DAAM1: variants seen among roughly 807,000 people sequenced by gnomAD.
DAAM1 encodes the protein dishevelled associated activator of morphogenesis 1.
In DAAM1, 52 loss-of-function variants were observed where a neutral mutation model predicts 130.0. That is an observed-to-expected ratio of 0.40 (90% CI 0.32 to 0.50). The LOEUF is 0.50. Among genes scored for constraint, DAAM1 ranks in the 20% least tolerant of loss-of-function variants. The pLI, the probability that DAAM1 is intolerant of heterozygous loss-of-function variation, is 0.61. For missense variants in DAAM1, 1,134 were observed against 1,303.8 expected, an observed-to-expected ratio of 0.87 and a Z score of 2.01; for synonymous variants, 452 against 444.5, an observed-to-expected ratio of 1.02 and a Z score of -0.21.
At chr14:59,290,341 C>T (rs1883689688) in intron 2 of DAAM1, among the ~76,000 whole-genome samples, 1 of 152,120 alleles carries the variant, frequency 6.6e-6, no homozygotes, top group Non-Finnish European at 1.5e-5. Flanking sequence ...CATCTGGACT[C>T]TGGAGTTCAA....
At chr14:59,289,767 G>GATAGATAGATATATATATATATAT (rs375183979) in intron 2 of DAAM1, among the ~76,000 whole-genome samples, 1 of 110,220 alleles carries the variant, frequency 9.1e-6, no homozygotes, top group Non-Finnish European at 1.9e-5. Context: ...AACAAAATGT[G>GATAGATAGATATATATATATATAT]ATATATATAT....
At chr14:59,359,327 A>G (rs1886612451) in intron 20 of DAAM1, 70 bp from the exon 21 acceptor site, 2 of 1,121,980 alleles carry the variant, frequency 1.8e-6, no homozygotes, top group Non-Finnish European at 2.6e-6. Context: ...GATATTAACT[A>G]TTCATATATT....
intron 1 of DAAM1, among the ~76,000 whole-genome samples, chr14:59,243,874 T>A (rs540475211): frequency 6.6e-6 from 1 of 152,326 alleles, no homozygotes; most frequent in East Asian, 1.9e-4. Flanking sequence ...TTCCAAACAT[T>A]AGCATCCCAG....
chr14:59,235,637 C>T (rs111607558), intron 1 of DAAM1, among the ~76,000 whole-genome samples: 8,790 of 152,082 alleles, frequency 0.058, 859 homozygotes, highest in African/African-American at 0.2. Flanking sequence ...GTCTCTGTCT[C>T]CTTCAGTTTT....
chr14:59,336,034 T>C (rs1885615603), intron 15 of DAAM1, among the ~76,000 whole-genome samples: 1 of 151,950 alleles, frequency 6.6e-6, no homozygotes, highest in Non-Finnish European at 1.5e-5. Context: ...TTTTTTTTTT[T>C]TCTTAAGACC....
intron 17 of DAAM1, among the ~76,000 whole-genome samples, 173 bp from the exon 18 acceptor site, chr14:59,352,353 A>T (rs1886321808): frequency 6.6e-6 from 1 of 152,264 alleles, no homozygotes; most frequent in Non-Finnish European, 1.5e-5. Context: ...ACTACTTCCA[A>T]GTAAAAATGA....
chr14:59,225,740 T>A (rs1888922003), intron 1 of DAAM1, among the ~76,000 whole-genome samples: 2 of 152,198 alleles, frequency 1.3e-5, no homozygotes, highest in Non-Finnish European at 2.9e-5. Flanking sequence ...GTACAGATTC[T>A]GGGCAAGGTT....
At chr14:59,278,530 A>C (rs1420292968) in intron 2 of DAAM1, among the ~76,000 whole-genome samples, 4 of 152,210 alleles carry the variant, frequency 2.6e-5, no homozygotes, top group African/African-American at 9.7e-5. Flanking sequence ...GGCTAGAGGT[A>C]ACTGAAATGG....
At chr14:59,339,824 G>A (rs576879913) in intron 15 of DAAM1, among the ~76,000 whole-genome samples, 1 of 152,306 alleles carries the variant, frequency 6.6e-6, no homozygotes, top group Non-Finnish European at 1.5e-5. Flanking sequence ...CAACTTAGAA[G>A]CACTTTGTTC....
At chr14:59,332,780 C>G (rs1048954237) in intron 15 of DAAM1, among the ~76,000 whole-genome samples, 2 of 152,088 alleles carry the variant, frequency 1.3e-5, no homozygotes, top group Non-Finnish European at 2.9e-5. Flanking sequence ...AACTTGAGTC[C>G]AGTAGTGTGA....
At position 59,226,350 on chromosome 14, in the gene DAAM1, GCA is replaced by G. The variant is rs1378327884; in HGVS notation, c.-37-37090_-37-37089del. 2.6e-5 allele frequency among the ~76,000 whole-genome samples: 4 copies of G among 152,200 alleles called. No homozygotes were observed. In the East Asian group the frequency reaches 7.7e-4, roughly 29 times the overall value. ...TATATCAGAATTATTTTGGTTGCAA[GCA>G]AGAGAAACTAAATTTAAGACAAACA... is the stretch of plus-strand genomic sequence containing the variant. On this transcript the variant is annotated intron_variant, in intron 1 of 24. Coordinates refer to ENST00000360909, the MANE Select transcript of DAAM1 (RefSeq NM_001270520.2).
At chr14:59,353,006 GA>G (rs1191234344) in intron 18 of DAAM1, among the ~76,000 whole-genome samples, 50 of 141,240 alleles carry the variant, frequency 3.5e-4, no homozygotes, top group African/African-American at 1.2e-3. Context: ...AAAAAAAAAA[GA>G]AAAAAAAATA....
Position 59,260,404 on chromosome 14 carries a change from G to A in DAAM1, c.-37-3037G>A, listed in dbSNP as rs920263123. 3.3e-5 allele frequency among the ~76,000 whole-genome samples: 5 copies of A among 152,260 alleles called. No homozygotes were observed. In the East Asian group the frequency reaches 5.8e-4, roughly 18 times the overall value. ...TTTGTCACAGAACTAACTGCTGCCT[G>A]TATTTTGTTATATTTATTTTGTCCT... On this transcript the variant is annotated intron_variant, in intron 1 of 24. Transcript: ENST00000360909.
intron 1 of DAAM1, among the ~76,000 whole-genome samples, chr14:59,259,233 G>T (rs113752019): frequency 2.0e-5 from 3 of 152,050 alleles, no homozygotes; most frequent in Admixed American, 6.5e-5. Flanking sequence ...TTTTCCTCCC[G>T]ATTCTTCAAT....
rs1401344690 is a variant in DAAM1 at position 59,326,973 on chromosome 14, G to A, written c.1354G>A (p.Ala452Thr). The A allele has an allele frequency of 3.1e-6, 5 of 1,613,802 alleles. No homozygotes were observed. In the Admixed American group the frequency reaches 8.3e-5, roughly 27 times the overall value. ...ENEVKQWKEQ[A>T]EKMRKEHNEL... is the part of the protein sequence containing the mutation. Reference sequence around the variant, plus strand: ...TGAAGTTAAGCAGTGGAAAGAACAAGCGGAAAAAATGAGAAAAGGTAAATA... The same window carrying A: ...TGAAGTTAAGCAGTGGAAAGAACAAACGGAAAAAATGAGAAAAGGTAAATA... Residue 452 changes from alanine to threonine, a missense_variant, in exon 12 of 25, where the codon GCG becomes ACG. Physicochemically the swap from Ala to Thr is moderately conservative, Grantham distance 58. Coordinates refer to ENST00000360909, the MANE Select transcript of DAAM1 (RefSeq NM_001270520.2).
chr14:59,358,325 C>A (rs1484693481), intron 20 of DAAM1, among the ~76,000 whole-genome samples: 2 of 152,310 alleles, frequency 1.3e-5, no homozygotes, highest in East Asian at 3.9e-4. Context: ...CCATCCAGGT[C>A]AGTCAGAGTT....
rs146961909 is a variant in DAAM1, at chr14:59,209,517, T to A, written c.-38+20749T>A. 1.8e-3 allele frequency among the ~76,000 whole-genome samples: 278 copies of A among 152,308 alleles called. 1 individual carries two copies. Among genetic ancestry groups the A allele is most frequent in the African/African-American group, 6.2e-3 (259 of 41,580 alleles). On this transcript the variant is annotated intron_variant, in intron 1 of 24. Coordinates refer to ENST00000360909, the MANE Select transcript of DAAM1 (RefSeq NM_001270520.2). ...GAAACCAATATGCATTCAGTAGAAA[T>A]TGTACTTTGAATACCCATACAACCA...
At chr14:59,367,786 T>TA (rs951853324) in intron 24 of DAAM1, among the ~76,000 whole-genome samples, 187 bp downstream of exon 24, 84 of 149,716 alleles carry the variant, frequency 5.6e-4, no homozygotes, top group Admixed American at 2.3e-3. Context: ...TTCAAAGCCT[T>TA]AAAAAAAAAA....
At chr14:59,293,316 G>A (rs2139568961) in intron 3 of DAAM1, among the ~76,000 whole-genome samples, 1 of 152,292 alleles carries the variant, frequency 6.6e-6, no homozygotes, top group East Asian at 1.9e-4. Context: ...CCTTAGATTA[G>A]AAAAGGCAAA....
Sources: gnomAD v4.1 joint callset for allele counts (sites outside exome capture counted in the v4.1 genomes callset) on GRCh38, gnomAD v4.1.1 for gene constraint, MANE v1.5 for transcripts, NCBI Gene and HGNC (gene_info 2026-07-23, HGNC 2026-07-21) for gene names.